Variants in MALRD1 observed in about 807,000 individuals in gnomAD.
MALRD1 encodes the protein MAM and LDL receptor class A domain containing 1.
A neutral mutation model predicts 242.1 loss-of-function variants in MALRD1; 247 were observed. The ratio of observed to expected loss-of-function variants is 1.02; its 90% CI spans 0.92 to 1.13. The LOEUF is 1.13. Ranked by LOEUF, MALRD1 falls within the 50% of genes most tolerant of loss-of-function variation. The pLI is 0.00. For missense variants in MALRD1, 2,989 were observed against 2,533.1 expected (o/e 1.18, Z -3.86); for synonymous variants, 995 against 866.6 (o/e 1.15, Z -2.60).
intron 18 of MALRD1, among the ~76,000 whole-genome samples, chr10:19,222,491 A>G (rs570914342): frequency 1.3e-5 from 2 of 152,330 alleles, no homozygotes; most frequent in East Asian, 1.9e-4. Flanking sequence ...ATTTAAATAT[A>G]CACGTGTAAT....
chr10:19,316,115 T>C (rs953500420), intron 21 of MALRD1, among the ~76,000 whole-genome samples: 1 of 151,242 alleles, frequency 6.6e-6, no homozygotes, highest in Admixed American at 6.6e-5. Flanking sequence ...TAAATTTAAG[T>C]AATTTACTAA....
chr10:19,176,123 T>A (rs1835219880), intron 14 of MALRD1, among the ~76,000 whole-genome samples: 1 of 152,106 alleles, frequency 6.6e-6, no homozygotes, highest in Admixed American at 6.5e-5. Context: ...ACTTTATTTT[T>A]CTTAATCTGT....
chr10:19,605,160 ATTAT>A (rs1193692620), intron 34 of MALRD1, among the ~76,000 whole-genome samples: 1 of 101,418 alleles, frequency 9.9e-6, no homozygotes. Context: ...TTTTTTTATT[ATTAT>A]TTTTTTTTTT....
In MALRD1 at chr10:19,095,887, G is replaced by C. The variant is rs142596001; in HGVS notation, c.597+7702G>C. 7.9e-5 allele frequency among the ~76,000 whole-genome samples: 12 copies of C among 152,294 alleles called. No individual in the cohort carries two copies. The East Asian group carries it at 2.1e-3, about 27-fold the overall frequency. Reference sequence around the variant, plus strand: ...GTTTATGGGGATTGAGTCACATTGAGTAGACGCTGAAGGATGATCTTGCTG... The same window carrying C: ...GTTTATGGGGATTGAGTCACATTGACTAGACGCTGAAGGATGATCTTGCTG... On this transcript the variant is annotated intron_variant, in intron 4 of 39. Transcript: ENST00000454679.
intron 26 of MALRD1, among the ~76,000 whole-genome samples, chr10:19,367,584 A>C (rs1307688735): frequency 6.6e-6 from 1 of 152,146 alleles, no homozygotes; most frequent in Non-Finnish European, 1.5e-5. Context: ...ATAAGAGTGC[A>C]TATATCTCTT....
chr10:19,466,012 T>A (rs1398733013), intron 29 of MALRD1, among the ~76,000 whole-genome samples: 1 of 152,210 alleles, frequency 6.6e-6, no homozygotes, highest in Non-Finnish European at 1.5e-5. Flanking sequence ...TAGAAAAATT[T>A]CCTAATCAAG....
At chr10:19,351,857 A>G (rs1396736037) in intron 25 of MALRD1, 149 bp from the exon 26 acceptor site, 2 of 735,324 alleles carry the variant, frequency 2.7e-6, no homozygotes, top group Non-Finnish European at 4.3e-6. Flanking sequence ...ACTCAGTGTT[A>G]AAGTGCAGAC....
rs181199167 is a variant in MALRD1 at position 19,253,640 on chromosome 10, G to T, written c.2992-4044G>T. On this transcript the variant is annotated intron_variant, in intron 18 of 39. Coordinates refer to ENST00000454679, the MANE Select transcript of MALRD1 (RefSeq NM_001142308.3). Reference sequence around the variant, plus strand: ...TTTATTTAAAATAAGCCACACATAAGTGGACCAAGGCAGTTCAAACTCATG... The same window carrying T: ...TTTATTTAAAATAAGCCACACATAATTGGACCAAGGCAGTTCAAACTCATG... 2.3e-3 allele frequency among the ~76,000 whole-genome samples: 357 copies of T among 152,084 alleles called. 2 individuals carry two copies. Among genetic ancestry groups the T allele is most frequent in the African/African-American group, 8.2e-3 (342 of 41,516 alleles).
chr10:19,731,032 G>A (rs1564576610), intron 39 of MALRD1, among the ~76,000 whole-genome samples: 1 of 152,098 alleles, frequency 6.6e-6, no homozygotes, highest in Non-Finnish European at 1.5e-5. Context: ...TGGTGTTGTG[G>A]TCACTATTTA....
At chr10:19,517,215 G>C (rs1429469001) in intron 31 of MALRD1, among the ~76,000 whole-genome samples, 2 of 152,148 alleles carry the variant, frequency 1.3e-5, no homozygotes, top group Non-Finnish European at 2.9e-5. Context: ...TTTTTTATCT[G>C]AGGGACTGGT....
At position 19,209,352 on chromosome 10, in the gene MALRD1, AG is replaced by A. The variant is rs1291025392; in HGVS notation, c.2666del (p.Gly889ValfsTer11). On this transcript the variant is annotated frameshift_variant, in exon 18 of 40. Coordinates refer to ENST00000454679, the MANE Select transcript of MALRD1 (RefSeq NM_001142308.3). LOFTEE classifies it high-confidence loss of function. Reference protein sequence around the residue: ...AKDDFDWTRSQGPTPTLNTGP... With the variant: ...AKDDFDWTRSXGPTPTLNTGP... ...GATGACTTTGATTGGACCAGGAGCCAGGGTCCAACTCCAACACTTAACACAG... is the reference window on the plus strand; with the variant it reads ...GATGACTTTGATTGGACCAGGAGCCAGGTCCAACTCCAACACTTAACACAG... 6.4e-7 allele frequency: 1 copy of A among 1,550,678 alleles called. No individual in the cohort carries two copies. The highest frequency in any genetic ancestry group is 8.7e-7 in the Non-Finnish European group (1 of 1,147,002).
At chr10:19,606,043 T>C (rs573618339) in intron 34 of MALRD1, among the ~76,000 whole-genome samples, 47 of 152,268 alleles carry the variant, frequency 3.1e-4, no homozygotes, top group African/African-American at 1.1e-3. Flanking sequence ...TACATATTCT[T>C]AAAAACACTA....
At chr10:19,264,083 G>C (rs1839871480) in intron 19 of MALRD1, among the ~76,000 whole-genome samples, 1 of 152,098 alleles carries the variant, frequency 6.6e-6, no homozygotes, top group Admixed American at 6.5e-5. Context: ...TTTTAAGACT[G>C]TTACTGTATT....
intron 33 of MALRD1, among the ~76,000 whole-genome samples, chr10:19,594,468 C>T (rs1389424708): frequency 1.3e-5 from 2 of 152,080 alleles, no homozygotes; most frequent in Non-Finnish European, 2.9e-5. Flanking sequence ...CCATTTGATT[C>T]AGCAATCTCA....
chr10:19,712,667 A>G (rs903924323), intron 38 of MALRD1, among the ~76,000 whole-genome samples: 6 of 152,242 alleles, frequency 3.9e-5, no homozygotes, highest in African/African-American at 1.4e-4. Flanking sequence ...AAAGAACCCA[A>G]TAAAAAATTA....
At chr10:19,671,216 C>T (rs760011232) in intron 36 of MALRD1, among the ~76,000 whole-genome samples, 1 of 152,058 alleles carries the variant, frequency 6.6e-6, no homozygotes, top group Non-Finnish European at 1.5e-5. Flanking sequence ...TTTAAAACCC[C>T]TTCTATTTAG....
At chr10:19,555,068 T>A (rs1454863471) in intron 32 of MALRD1, among the ~76,000 whole-genome samples, 1 of 152,154 alleles carries the variant, frequency 6.6e-6, no homozygotes, top group Non-Finnish European at 1.5e-5. Flanking sequence ...TTTCTCGACA[T>A]TTTAATAATC....
intron 18 of MALRD1, among the ~76,000 whole-genome samples, chr10:19,230,190 T>A (rs1199606228): frequency 6.6e-6 from 1 of 152,200 alleles, no homozygotes; most frequent in East Asian, 1.9e-4. Context: ...TTTTTCTTTA[T>A]AAATTACCCA....
At chr10:19,305,772 C>T (rs1338984000) in intron 21 of MALRD1, among the ~76,000 whole-genome samples, 1 of 141,368 alleles carries the variant, frequency 7.1e-6, no homozygotes, top group Admixed American at 7.4e-5. Context: ...TATATATACA[C>T]TATACTATAT....
Sources: gnomAD v4.1 joint callset for allele counts (sites outside exome capture counted in the v4.1 genomes callset) on GRCh38, gnomAD v4.1.1 for gene constraint, MANE v1.5 for transcripts, NCBI Gene and HGNC (gene_info 2026-07-23, HGNC 2026-07-21) for gene names.